The following CADM2 variants were observed in gnomAD, a reference collection of about 807,000 sequenced individuals.
CADM2 encodes immunoglobulin superfamily member 4D.
CADM2 carries 12 observed loss-of-function variants against 49.8 expected under a neutral mutation model. The observed-to-expected ratio is 0.24, with a 90% CI of 0.15 to 0.39. The LOEUF is 0.39. Among genes scored for constraint, CADM2 ranks in the 10% least tolerant of loss-of-function variants. The pLI is 1.00. For missense variants in CADM2, 378 were observed against 492.3 expected, an observed-to-expected ratio of 0.77 and a Z score of 2.20; for synonymous variants, 214 against 175.4, an observed-to-expected ratio of 1.22 and a Z score of -1.74.
chr3:85,612,542 AG>A (rs937430641), intron 1 of CADM2, among the ~76,000 whole-genome samples: 2 of 152,000 alleles, frequency 1.3e-5, no homozygotes, highest in African/African-American at 4.8e-5. Flanking sequence ...TACATACCTT[AG>A]CAGTTACTTA....
In CADM2 at chr3:85,501,507, A is replaced by C. The variant is rs2040113803; in HGVS notation, c.62-225015A>C. Among the ~76,000 whole-genome samples the C allele has an allele frequency of 3.3e-5, 5 of 152,302 alleles. No individual in the cohort carries two copies. In the South Asian group the frequency reaches 1.0e-3, roughly 32 times the overall value. On this transcript the variant is annotated intron_variant, in intron 1 of 9. Coordinates refer to ENST00000383699, the MANE Select transcript of CADM2 (RefSeq NM_001167675.2). ...TCAATAAATATTTTGGAATGAGAGA[A>C]TAAAGAATTGTAAGAGACCTAACGT...
At chr3:85,294,605 G>A (rs1216265927) in intron 1 of CADM2, among the ~76,000 whole-genome samples, 7 of 151,862 alleles carry the variant, frequency 4.6e-5, no homozygotes, top group Non-Finnish European at 8.8e-5. Context: ...TAGATCAATG[G>A]AACAGAACAG....
chr3:85,625,510 A>G (rs939676540), intron 1 of CADM2, among the ~76,000 whole-genome samples: 9 of 152,070 alleles, frequency 5.9e-5, no homozygotes, highest in Non-Finnish European at 8.8e-5. Flanking sequence ...GCATTCCATC[A>G]TAGTGTAGAT....
intron 2 of CADM2, among the ~76,000 whole-genome samples, chr3:85,732,827 A>G (rs1186382501): frequency 6.6e-6 from 1 of 152,210 alleles, no homozygotes; most frequent in Non-Finnish European, 1.5e-5. Context: ...TCACAAAATG[A>G]GTAAGAGGCA....
intron 1 of CADM2, among the ~76,000 whole-genome samples, chr3:85,196,619 T>C (rs2041350784): frequency 6.6e-6 from 1 of 151,972 alleles, no homozygotes; most frequent in Admixed American, 6.6e-5. Context: ...GATTTCTGTT[T>C]TGAAGTACAT....
intron 1 of CADM2, among the ~76,000 whole-genome samples, chr3:85,571,886 A>T (rs971920842): frequency 1.3e-5 from 2 of 152,236 alleles, no homozygotes; most frequent in African/African-American, 4.8e-5. Flanking sequence ...CAAGATGCAG[A>T]AGTTTAGTCA....
At chr3:85,084,021 T>A (rs2037278005) in intron 1 of CADM2, among the ~76,000 whole-genome samples, 1 of 152,214 alleles carries the variant, frequency 6.6e-6, no homozygotes, top group Non-Finnish European at 1.5e-5. Context: ...AATTATTATA[T>A]GCCCTGCTGT....
chr3:85,599,007 C>A (rs780670367), intron 1 of CADM2, among the ~76,000 whole-genome samples: 4 of 151,620 alleles, frequency 2.6e-5, no homozygotes, highest in African/African-American at 4.8e-5. Flanking sequence ...CATTTATAAC[C>A]CTTAAGAATT....
chr3:85,664,883 A>T (rs1474795909), intron 1 of CADM2, among the ~76,000 whole-genome samples: 3 of 151,858 alleles, frequency 2.0e-5, no homozygotes, highest in African/African-American at 7.2e-5. Context: ...TCCTTTTCAG[A>T]TATTTTTTCC....
In CADM2 at chr3:85,566,595, C is replaced by A. The variant is rs536621792; in HGVS notation, c.62-159927C>A. Among the ~76,000 whole-genome samples the A allele has an allele frequency of 3.3e-5, 5 of 152,190 alleles. 1 individual carries two copies. The highest frequency in any genetic ancestry group is 1.2e-4 in the African/African-American group (5 of 41,522). On this transcript the variant is annotated intron_variant, in intron 1 of 9. Transcript: ENST00000383699. ...ATGTGTGCTAGGCTGAGATTTCCAA[C>A]TGCAGTCAAATAACTGGGAGAATCT...
At chr3:85,218,157 TA>T (rs1163214691) in intron 1 of CADM2, among the ~76,000 whole-genome samples, 139 of 152,132 alleles carry the variant, frequency 9.1e-4, no homozygotes, top group African/African-American at 3.2e-3. Context: ...AGTCTTTTTT[TA>T]AAAAAAATTA....
At chr3:85,803,496 GATAA>G (rs1389536595) in intron 3 of CADM2, among the ~76,000 whole-genome samples, 10 of 129,890 alleles carry the variant, frequency 7.7e-5, no homozygotes, top group Middle Eastern at 3.9e-3. Context: ...TAGATAGATA[GATAA>G]ATAGATAGAT....
At chr3:85,271,401 A>G (rs1468508279) in intron 1 of CADM2, among the ~76,000 whole-genome samples, 1 of 151,314 alleles carries the variant, frequency 6.6e-6, no homozygotes, top group Non-Finnish European at 1.5e-5. Flanking sequence ...CTGATTCAAT[A>G]ATTTGTTAGA....
chr3:85,262,335 C>T (rs907673420), intron 1 of CADM2, among the ~76,000 whole-genome samples: 1 of 152,014 alleles, frequency 6.6e-6, no homozygotes, highest in Admixed American at 6.6e-5. Context: ...GCTGTCTAGA[C>T]TCTTTATGAT....
At chr3:85,568,201 G>T (rs2062325902) in intron 1 of CADM2, among the ~76,000 whole-genome samples, 1 of 152,176 alleles carries the variant, frequency 6.6e-6, no homozygotes, top group Non-Finnish European at 1.5e-5. Flanking sequence ...TGCGTTCTTA[G>T]AGTTCACTAC....
chr3:85,392,270 AC>A (rs1176339223), intron 1 of CADM2, among the ~76,000 whole-genome samples: 1 of 152,126 alleles, frequency 6.6e-6, no homozygotes, highest in Non-Finnish European at 1.5e-5. Flanking sequence ...TGATGTTCTT[AC>A]ACCTGATATA....
chr3:85,582,421 G>A (rs1207239962), intron 1 of CADM2, among the ~76,000 whole-genome samples: 2 of 152,140 alleles, frequency 1.3e-5, no homozygotes, highest in African/African-American at 4.8e-5. Context: ...TTTTAGAGAT[G>A]GTTTATTGCA....
intron 1 of CADM2, among the ~76,000 whole-genome samples, chr3:85,568,612 C>T (rs75696272): frequency 0.55 from 60,488 of 110,780 alleles, 18,656 homozygotes; most frequent in East Asian, 0.86. Context: ...TCCTCTCTTT[C>T]TTTTTTTTTT....
intron 1 of CADM2, among the ~76,000 whole-genome samples, chr3:85,032,215 G>GTTTTTTTTTTTT (rs71105002): frequency 6.8e-6 from 1 of 147,460 alleles, no homozygotes; most frequent in Non-Finnish European, 1.5e-5. Flanking sequence ...CCAGTTACTG[G>GTTTTTTTTTTTT]TTTTTTTTTT....
Sources: gnomAD v4.1 joint callset for allele counts (sites outside exome capture counted in the v4.1 genomes callset) on GRCh38, gnomAD v4.1.1 for gene constraint, MANE v1.5 for transcripts, NCBI Gene and HGNC (gene_info 2026-07-23, HGNC 2026-07-21) for gene names.